MCM8: variants seen among roughly 807,000 people sequenced by gnomAD.
MCM8 encodes DNA helicase MCM8.
Under a neutral mutation model 98.9 loss-of-function variants are expected in MCM8, and 85 were observed. That is an observed-to-expected ratio of 0.86 (90% CI 0.72 to 1.03). MCM8 has a LOEUF of 1.03. Ranked by LOEUF, MCM8 falls within the 50% of genes least tolerant of loss-of-function variation. The pLI is 0.00. For synonymous variants in MCM8, 352 were observed against 338.6 expected, an observed-to-expected ratio of 1.04 and a Z score of -0.44; for missense variants, 951 against 997.8, an observed-to-expected ratio of 0.95 and a Z score of 0.63.
chr20:5,957,056 TA>T, intron 5 of MCM8, 69 bp from the exon 6 acceptor site: 2 of 946,724 alleles, frequency 2.1e-6, no homozygotes, highest in Non-Finnish European at 3.1e-6. Flanking sequence ...ATATTCTCTA[TA>T]AAAATAGAGT....
At chr20:5,969,678 T>G (rs1168625427) in intron 10 of MCM8, among the ~76,000 whole-genome samples, 1 of 152,176 alleles carries the variant, frequency 6.6e-6, no homozygotes, top group East Asian at 1.9e-4. Flanking sequence ...TTTTTCTTTC[T>G]GGCTTTAATA....
chr20:5,968,849 C>G (rs912514882), intron 10 of MCM8, among the ~76,000 whole-genome samples: 1 of 152,182 alleles, frequency 6.6e-6, no homozygotes, highest in Non-Finnish European at 1.5e-5. Context: ...TAGGGTGTTG[C>G]TCATAGAGAT....
chr20:5,956,316 T>C (rs2122656798), intron 5 of MCM8, among the ~76,000 whole-genome samples: 1 of 152,354 alleles, frequency 6.6e-6, no homozygotes, highest in Middle Eastern at 3.4e-3. Context: ...TGTCTGTACA[T>C]CTTTATGGTC....
chr20:5,981,650 C>CATTATATA, intron 13 of MCM8, among the ~76,000 whole-genome samples: 1 of 152,060 alleles, frequency 6.6e-6, no homozygotes, highest in Non-Finnish European at 1.5e-5. Flanking sequence ...ACAGAGCAGC[C>CATTATATA]GTTATTATAC....
intron 12 of MCM8, among the ~76,000 whole-genome samples, chr20:5,975,546 G>T (rs1357599410): frequency 6.7e-6 from 1 of 148,944 alleles, no homozygotes; most frequent in African/African-American, 2.5e-5. Flanking sequence ...GCCCAGGCTG[G>T]AGTGCAGTGG....
intron 7 of MCM8, among the ~76,000 whole-genome samples, chr20:5,961,209 T>C (rs1168524781): frequency 6.6e-6 from 1 of 152,138 alleles, no homozygotes; most frequent in Non-Finnish European, 1.5e-5. Context: ...GACCCCCATC[T>C]CTTAAAAAAA....
rs770481449 is a variant in MCM8 at position 5,994,303 on chromosome 20, C to A, written c.2435C>A (p.Ala812Asp). The A allele has an allele frequency of 1.1e-4, 179 of 1,589,376 alleles. No homozygotes were observed. Among genetic ancestry groups the A allele is most frequent in the Non-Finnish European group, 1.5e-4 (174 of 1,170,112 alleles). ...CCTTTTGATGTTTTCTTCCAGGTTG[C>A]TGATTTTGAAAATTTTATTGGATCA... Reference protein sequence around the residue: ...QIAKELNIQVADFENFIGSLN... With the variant: ...QIAKELNIQVDDFENFIGSLN... The change falls in exon 19 of 19, where the codon GCT (alanine) becomes GAT (aspartate). Residue 812 changes from alanine to aspartate, a missense_variant. Ala to Asp is a moderately radical substitution (Grantham distance 126). Transcript: ENST00000610722.
intron 17 of MCM8, among the ~76,000 whole-genome samples, chr20:5,987,939 A>G (rs1035018004): frequency 3.3e-5 from 5 of 152,226 alleles, no homozygotes; most frequent in Non-Finnish European, 5.9e-5. Flanking sequence ...AACAGTAAAT[A>G]CTATAGGTTT....
intron 4 of MCM8, 63 bp from the exon 5 acceptor site, chr20:5,955,039 C>T (rs974589601): frequency 1.8e-6 from 2 of 1,122,986 alleles, no homozygotes; most frequent in African/African-American, 3.1e-5. Flanking sequence ...TAATAGAATG[C>T]TCAGTTAATG....
chr20:5,954,609 T>G lies in MCM8; in HGVS notation c.255T>G (p.Val85=). ...CTAATGCCATATTTGTTGGATTAGT[T>G]TACAGCGATAGCTCTCCTTTGATTG... ...YKGWKLYFSE[V]YSDSSPLIEK... The change falls in exon 4 of 19, where the codon GTT becomes GTG. Residue 85 remains valine, a splice_region_variant and synonymous_variant. Coordinates refer to ENST00000610722, the MANE Select transcript of MCM8 (RefSeq NM_032485.6). 6.3e-7 allele frequency: 1 copy of G among 1,599,872 alleles called. No homozygotes were observed. The highest frequency in any genetic ancestry group is 8.6e-7 in the Non-Finnish European group (1 of 1,167,700).
At chr20:5,972,090 A>G in intron 11 of MCM8, 53 bp downstream of exon 11, 2 of 1,400,908 alleles carry the variant, frequency 1.4e-6, no homozygotes, top group Non-Finnish European at 2.0e-6. Flanking sequence ...TAGCAAAAAT[A>G]ACATATAAAA....
In MCM8 at chr20:5,950,834, A is replaced by C. The variant is rs1032208061; in HGVS notation, c.-195A>C. 2 of 153,966 alleles carry C rather than the reference A, an allele frequency of 1.3e-5. No homozygotes were observed. Among genetic ancestry groups the C allele is most frequent in the African/African-American group, 4.8e-5 (2 of 41,478 alleles). The allele number at this position is 153,966 out of a possible 1,614,324, so 9.5% of individuals were successfully genotyped here. A position where few individuals can be genotyped will look rare whatever the true frequency, so the allele number is the denominator to read the frequency against. On this transcript the variant is annotated 5_prime_UTR_variant, in exon 1 of 19. Coordinates refer to ENST00000610722, the MANE Select transcript of MCM8 (RefSeq NM_032485.6). ...TCAGCACCGCGCGGGGACGACAGGA[A>C]AGCTGCGGCTGAAGAGAACTGCGGA...
intron 5 of MCM8, among the ~76,000 whole-genome samples, chr20:5,956,345 GTATAT>G: frequency 6.6e-6 from 1 of 152,192 alleles, no homozygotes; most frequent in Non-Finnish European, 1.5e-5. Flanking sequence ...AATTACAGCT[GTATAT>G]ATGCATCTTA....
At position 5,994,402 on chromosome 20, in the gene MCM8, C is replaced by T; in HGVS notation, c.*11C>T. On this transcript the variant is annotated 3_prime_UTR_variant, in exon 19 of 19. Coordinates refer to ENST00000610722, the MANE Select transcript of MCM8 (RefSeq NM_032485.6). ...CTTCAAACTATGTAAAAGGACTTCA[C>T]CAAGTTAGGGCCTCCTGGGTTTATT... The T allele has an allele frequency of 6.3e-7, 1 of 1,575,504 alleles. No individual in the cohort carries two copies. The highest frequency in any genetic ancestry group is 1.1e-5 in the South Asian group (1 of 89,204).
chr20:5,991,754 C>T (rs2089857663), intron 17 of MCM8, among the ~76,000 whole-genome samples: 2 of 152,068 alleles, frequency 1.3e-5, no homozygotes, highest in African/African-American at 4.8e-5. Flanking sequence ...CAGTATATTC[C>T]CAGGGCCCAG....
chr20:5,956,321 A>G (rs1290430229), intron 5 of MCM8, among the ~76,000 whole-genome samples: 1 of 152,166 alleles, frequency 6.6e-6, no homozygotes, highest in Admixed American at 6.5e-5. Flanking sequence ...GTACATCTTT[A>G]TGGTCCTTAT....
intron 7 of MCM8, among the ~76,000 whole-genome samples, chr20:5,963,046 A>G (rs2089187696): frequency 6.6e-6 from 1 of 152,206 alleles, no homozygotes; most frequent in Non-Finnish European, 1.5e-5. Context: ...ATAGCAGGAT[A>G]CGAACAGTAA....
At chr20:5,989,723 T>C (rs1001879711) in intron 17 of MCM8, among the ~76,000 whole-genome samples, 3 of 152,170 alleles carry the variant, frequency 2.0e-5, no homozygotes, top group Admixed American at 6.5e-5. Flanking sequence ...TTCTCTCTGC[T>C]GCCTCTAGAG....
chr20:5,981,445 G>C (rs1038739923), intron 13 of MCM8, among the ~76,000 whole-genome samples: 2 of 152,140 alleles, frequency 1.3e-5, no homozygotes, highest in African/African-American at 4.8e-5. Flanking sequence ...AACAGAGGGG[G>C]GTGAACTCTC....
Sources: allele counts gnomAD v4.1 joint callset (sites outside exome capture counted in the v4.1 genomes callset), GRCh38; gene constraint gnomAD v4.1.1; transcripts MANE v1.5; gene names NCBI Gene and HGNC (gene_info 2026-07-23, HGNC 2026-07-21).